C4BPA: variants seen among roughly 807,000 people sequenced by gnomAD.
The protein encoded by C4BPA is complement component 4 binding protein alpha.
A neutral mutation model predicts 63.7 loss-of-function variants in C4BPA; 31 were observed. That is an observed-to-expected ratio of 0.49 (90% CI 0.37 to 0.66). The LOEUF is 0.66. Among genes scored for constraint, C4BPA ranks in the 30% least tolerant of loss-of-function variants. C4BPA has a pLI of 0.00. For missense variants in C4BPA, 572 were observed against 723.3 expected (o/e 0.79, Z 2.40); for synonymous variants, 259 against 254.7 (o/e 1.02, Z -0.16).
At chr1:207,138,809 G>A (rs1685349644) in intron 9 of C4BPA, among the ~76,000 whole-genome samples, 1 of 152,176 alleles carries the variant, frequency 6.6e-6, no homozygotes, top group South Asian at 2.1e-4. Flanking sequence ...AGTGGGATGT[G>A]CAATTTGCAA....
At chr1:207,130,883 G>T (rs1353651348) in intron 7 of C4BPA, among the ~76,000 whole-genome samples, 3 of 151,964 alleles carry the variant, frequency 2.0e-5, no homozygotes, top group East Asian at 1.9e-4. Context: ...TAATGGTGAT[G>T]GTTGCACAAC....
Position 207,114,200 on chromosome 1 carries a change from C to T in C4BPA, c.243C>T (p.Cys81=), listed in dbSNP as rs1368507953. The change falls in exon 3 of 12, where the codon TGC becomes TGT. Residue 81 remains cysteine, a synonymous_variant. Coordinates refer to ENST00000367070, the MANE Select transcript of C4BPA (RefSeq NM_000715.4). ...FKTGTTLKYT[C]LPGYVRSHST... ...CTGGAACTACTCTGAAATACACCTG[C>T]CTCCCTGGCTACGTCAGATCCCATT... 1.2e-6 allele frequency: 2 copies of T among 1,613,710 alleles called. No homozygotes were observed. The highest frequency in any genetic ancestry group is 3.3e-5 in the Admixed American group (2 of 59,978).
chr1:207,143,810 C>T lies in C4BPA; in HGVS notation c.1445-8C>T. The T allele has an allele frequency of 6.2e-7, 1 of 1,600,384 alleles. No individual in the cohort carries two copies. Among genetic ancestry groups the T allele is most frequent in the South Asian group, 1.1e-5 (1 of 90,678 alleles). Reference sequence around the variant, plus strand: ...TACAGATTTCTTAAAAATATGTTTCCATTACAGCTCTGTGTCGGAAACCAG... The same window carrying T: ...TACAGATTTCTTAAAAATATGTTTCTATTACAGCTCTGTGTCGGAAACCAG... On this transcript the variant is annotated splice_polypyrimidine_tract_variant and splice_region_variant and intron_variant, in intron 10 of 11. Transcript: ENST00000367070.
intron 1 of C4BPA, among the ~76,000 whole-genome samples, chr1:207,108,787 A>T (rs1684609066): frequency 6.6e-6 from 1 of 151,874 alleles, no homozygotes; most frequent in African/African-American, 2.4e-5. Context: ...CAGTGGTGTG[A>T]TCTCGGATCA....
chr1:207,144,306 T>C (rs1685484275), intron 11 of C4BPA, among the ~76,000 whole-genome samples: 1 of 152,168 alleles, frequency 6.6e-6, no homozygotes, highest in African/African-American at 2.4e-5. Flanking sequence ...TTCTGGATGG[T>C]CAGCAAAAAC....
intron 8 of C4BPA, among the ~76,000 whole-genome samples, chr1:207,133,248 A>G (rs558315478): frequency 2.4e-4 from 37 of 152,226 alleles, no homozygotes; most frequent in Non-Finnish European, 5.0e-4. Flanking sequence ...TGATTGCTGA[A>G]TATTTTTATT....
intron 5 of C4BPA, 83 bp from the exon 6 acceptor site, chr1:207,124,092 C>G: frequency 6.7e-7 from 1 of 1,490,260 alleles, no homozygotes; most frequent in South Asian, 1.1e-5. Context: ...GGTATGTGTA[C>G]CTTCCATTAG....
intron 10 of C4BPA, among the ~76,000 whole-genome samples, chr1:207,141,626 GC>G (rs1029799790): frequency 2.6e-5 from 4 of 152,056 alleles, no homozygotes; most frequent in African/African-American, 9.7e-5. Flanking sequence ...ATGAATATAG[GC>G]TCCCCTGAGT....
chr1:207,115,421 C>T lies in C4BPA; in HGVS notation c.334C>T (p.Arg112Ter), dbSNP rs751774530. ...CATTTAAATTTTTCTCCCAGACAAA[C>T]GATGCAGACACCCAGGAGAGTTACG... ...WVYNTFCIYK[R>*]CRHPGELRNG... The change falls in exon 4 of 12, where the codon CGA (arginine) becomes TGA (stop). Residue 112 changes from arginine (R) to a stop codon, truncating the protein, a stop_gained. Transcript: ENST00000367070. LOFTEE classifies it high-confidence loss of function. 6 of 1,573,824 alleles carry T rather than the reference C, an allele frequency of 3.8e-6. No homozygotes were observed. The highest frequency in any genetic ancestry group is 2.3e-5 in the South Asian group (2 of 85,570).
At chr1:207,117,939 G>T (rs1684837577) in intron 4 of C4BPA, among the ~76,000 whole-genome samples, 1 of 152,128 alleles carries the variant, frequency 6.6e-6, no homozygotes. Context: ...CCTTTGCTAT[G>T]CTTTCCTCAG....
In C4BPA at chr1:207,113,166, T is replaced by C; in HGVS notation, c.141T>C (p.Leu47=). The change falls in exon 2 of 12, where the codon CTT becomes CTC. Residue 47 remains leucine, a splice_region_variant and synonymous_variant. Transcript: ENST00000367070. ...TLIAALLPAV[L]GNCGPPPTLS... ...TCGCTGCTCTGTTGCCTGCTGTTCT[T>C]GGTGAGTAGTGGGAAACAAGCTCAA... 6.2e-7 allele frequency: 1 copy of C among 1,609,280 alleles called. No homozygotes were observed.
At chr1:207,108,268 CT>C (rs1471811996) in intron 1 of C4BPA, among the ~76,000 whole-genome samples, 1 of 152,068 alleles carries the variant, frequency 6.6e-6, no homozygotes, top group Non-Finnish European at 1.5e-5. Context: ...GCACTTATAA[CT>C]TTCAGTAAAC....
chr1:207,116,538 G>A (rs1572779180), intron 4 of C4BPA, among the ~76,000 whole-genome samples: 1 of 137,294 alleles, frequency 7.3e-6, no homozygotes, highest in Non-Finnish European at 1.6e-5. Context: ...GTGTGTGTGT[G>A]TGTGTGTGTG....
At chr1:207,109,441 C>T (rs969253330) in intron 1 of C4BPA, among the ~76,000 whole-genome samples, 5 of 152,118 alleles carry the variant, frequency 3.3e-5, no homozygotes, top group South Asian at 2.1e-4. Flanking sequence ...TCAGAAATTC[C>T]GAGATATAAT....
Position 207,131,623 on chromosome 1 carries a change from G to A in C4BPA, c.967G>A (p.Val323Ile). The change falls in exon 8 of 12, where the codon GTT becomes ATT. Residue 323 changes from valine to isoleucine, a missense_variant. Around this residue, in one of 2 missense-constraint regions of C4BPA, gnomAD observed 465 missense variants for 629.4 expected, o/e 0.74. Transcript: ENST00000367070. Reference sequence around the variant, plus strand: ...TAGGCCGACAAAAGAGGATGTGTATGTTGTTGGGACTGTGTTAAGGTACCG... The same window carrying A: ...TAGGCCGACAAAAGAGGATGTGTATATTGTTGGGACTGTGTTAAGGTACCG... ...YPRPTKEDVY[V>I]VGTVLRYRCH... 5.6e-6 allele frequency: 9 copies of A among 1,613,432 alleles called. No homozygotes were observed. The highest frequency in any genetic ancestry group is 7.6e-6 in the Non-Finnish European group (9 of 1,179,416).
At position 207,144,525 on chromosome 1, in the gene C4BPA, C is replaced by A; in HGVS notation, c.1621-19C>A. The stretch of plus-strand genomic sequence containing the variant: ...AGAAGAGAAGCTTCTCAATCACACC[C>A]ACCACTTATATCTTTTAGGAGACCC... On this transcript the variant is annotated intron_variant, in intron 11 of 11. Coordinates refer to ENST00000367070, the MANE Select transcript of C4BPA (RefSeq NM_000715.4). The A allele has an allele frequency of 6.3e-7, 1 of 1,576,624 alleles. No homozygotes were observed. The highest frequency in any genetic ancestry group is 8.6e-7 in the Non-Finnish European group (1 of 1,163,122).
At chr1:207,109,906 GTCCT>G (rs1368066499) in intron 1 of C4BPA, among the ~76,000 whole-genome samples, 1 of 152,154 alleles carries the variant, frequency 6.6e-6, no homozygotes, top group Non-Finnish European at 1.5e-5. Context: ...GGTAAAATCA[GTCCT>G]TAACAAAGCA....
chr1:207,112,371 G>A (rs201231123), intron 1 of C4BPA, among the ~76,000 whole-genome samples: 1 of 86,216 alleles, frequency 1.2e-5, no homozygotes, highest in African/African-American at 3.6e-5. Context: ...TTTTTTTTAT[G>A]TTTGTACCTT....
chr1:207,108,480 GAA>G (rs1448467570), intron 1 of C4BPA, among the ~76,000 whole-genome samples: 1 of 152,160 alleles, frequency 6.6e-6, no homozygotes, highest in Admixed American at 6.5e-5. Context: ...AGCTGCAGAG[GAA>G]AAGAGTTCCT....
Sources: gnomAD v4.1 joint callset for allele counts (sites outside exome capture counted in the v4.1 genomes callset) on GRCh38, gnomAD v4.1.1 for gene constraint, gnomAD v4.1.1 regional missense constraint, MANE v1.5 for transcripts, NCBI Gene and HGNC (gene_info 2026-07-23, HGNC 2026-07-21) for gene names.